Variants in ZC3H12B observed in about 807,000 individuals in gnomAD.
ZC3H12B encodes the protein probable ribonuclease ZC3H12B.
Under a neutral mutation model 43.9 loss-of-function variants are expected in ZC3H12B, and 7 were observed. The observed-to-expected ratio is 0.16, with a 90% confidence interval of 0.09 to 0.30. The LOEUF (loss-of-function observed/expected upper bound fraction) is 0.30, where lower values mean the gene tolerates loss of function less well. Ranked by LOEUF, ZC3H12B falls within the 10% of genes least tolerant of loss-of-function variation. The pLI, the probability that ZC3H12B is intolerant of heterozygous loss-of-function variation, is 1.00. For missense variants in ZC3H12B, 475 were observed against 670.2 expected (o/e 0.71, Z 3.22); for synonymous variants, 222 against 241.7 (o/e 0.92, Z 0.76).
the ZC3H12B span, chrX:65,272,865 A>G: frequency 8.9e-6 from 1 of 112,354 alleles, no homozygotes; most frequent in Non-Finnish European, 1.9e-5. Flanking sequence ...AATATCTACA[A>G]GAAGTAAATA....
chrX:65,088,492 G>A, the ZC3H12B span, among the ~76,000 whole-genome samples: 1 of 111,114 alleles, frequency 9.0e-6, no homozygotes, highest in Non-Finnish European at 1.9e-5. Flanking sequence ...CTCCATGGAT[G>A]GTAAAAAATA....
At chrX:65,227,404 A>T in the ZC3H12B span, among the ~76,000 whole-genome samples, 28 of 111,750 alleles carry the variant, frequency 2.5e-4, no homozygotes, top group South Asian at 5.2e-3. Flanking sequence ...GAAATTTATA[A>T]CACTAAATGC....
the ZC3H12B span, among the ~76,000 whole-genome samples, chrX:65,263,181 T>C: frequency 1.8e-5 from 2 of 111,473 alleles, no homozygotes; most frequent in African/African-American, 6.5e-5. Context: ...TGGCAGATAA[T>C]CACTTGATAA....
the ZC3H12B span, among the ~76,000 whole-genome samples, chrX:65,347,861 A>G: frequency 8.9e-6 from 1 of 112,538 alleles, no homozygotes; most frequent in Non-Finnish European, 1.9e-5. Flanking sequence ...GATAGACTGG[A>G]TTAAGAAAAT....
chrX:65,276,441 G>C, the ZC3H12B span, among the ~76,000 whole-genome samples: 7 of 110,982 alleles, frequency 6.3e-5, no homozygotes, highest in Non-Finnish European at 1.3e-4. Flanking sequence ...TATAAAACCA[G>C]CAAGAGAAAA....
At chrX:65,055,512 A>G in the ZC3H12B span, among the ~76,000 whole-genome samples, 1 of 111,744 alleles carries the variant, frequency 8.9e-6, no homozygotes, top group Non-Finnish European at 1.9e-5. Context: ...AGATTTTTGC[A>G]TGGATGTTCA....
At chrX:65,473,002 A>ATG (rs1362359810) in intron 3 of ZC3H12B, among the ~76,000 whole-genome samples, 4 of 91,919 alleles carry the variant, frequency 4.4e-5, no homozygotes, top group African/African-American at 1.7e-4. Flanking sequence ...ATATATGTAT[A>ATG]TATATATATA....
the ZC3H12B span, among the ~76,000 whole-genome samples, chrX:65,224,792 C>A: frequency 8.9e-6 from 1 of 111,903 alleles, no homozygotes; most frequent in Non-Finnish European, 1.9e-5. Flanking sequence ...AGTCTGAGAT[C>A]AAACTACAAG....
At chrX:65,223,760 C>T in the ZC3H12B span, among the ~76,000 whole-genome samples, 6 of 111,681 alleles carry the variant, frequency 5.4e-5, no homozygotes, top group African/African-American at 1.3e-4. Flanking sequence ...AAATCAAAAC[C>T]ACAATGTGAT....
upstream of ZC3H12B, among the ~76,000 whole-genome samples, chrX:65,364,006 T>G (rs959558544): frequency 9.0e-6 from 1 of 111,086 alleles, no homozygotes; most frequent in African/African-American, 3.3e-5. Flanking sequence ...CCCCCATGAC[T>G]GTATCTCTCT....
intron 1 of ZC3H12B, among the ~76,000 whole-genome samples, chrX:65,490,076 G>A (rs2068182544): frequency 9.0e-6 from 1 of 111,704 alleles, no homozygotes; most frequent in Non-Finnish European, 1.9e-5. Flanking sequence ...AATATCTGTG[G>A]TAGGCTGAAT....
chrX:65,438,192 T>G (rs1413188069), intron 3 of ZC3H12B, among the ~76,000 whole-genome samples: 1 of 111,960 alleles, frequency 8.9e-6, no homozygotes, highest in East Asian at 2.8e-4. Context: ...TTAGGATAGC[T>G]TTGGCTATTC....
chrX:65,365,638 T>A, upstream of ZC3H12B, among the ~76,000 whole-genome samples: 1 of 111,524 alleles, frequency 9.0e-6, no homozygotes. Flanking sequence ...GTTTTGTTTT[T>A]CTTATTAATA....
At chrX:65,238,810 CT>C in the ZC3H12B span, among the ~76,000 whole-genome samples, 8 of 111,950 alleles carry the variant, frequency 7.1e-5, no homozygotes, top group South Asian at 3.7e-4. Flanking sequence ...TTTCAAAGAA[CT>C]TCTTGATATC....
chrX:65,066,446 G>C, the ZC3H12B span, among the ~76,000 whole-genome samples: 1 of 111,654 alleles, frequency 9.0e-6, no homozygotes, highest in Non-Finnish European at 1.9e-5. Context: ...TCCAGACCCT[G>C]TTTCCCTGGG....
chrX:65,394,249 G>T, intron 2 of ZC3H12B, among the ~76,000 whole-genome samples: 1 of 111,983 alleles, frequency 8.9e-6, no homozygotes, highest in South Asian at 3.7e-4. Context: ...CATTGCTTTT[G>T]GTGTTTTAGC....
the ZC3H12B span, among the ~76,000 whole-genome samples, chrX:65,102,942 G>A: frequency 1.6e-3 from 175 of 111,392 alleles, 2 homozygotes; most frequent in African/African-American, 5.6e-3. Flanking sequence ...TGCTTCAAGG[G>A]CAATAAAATA....
the ZC3H12B span, among the ~76,000 whole-genome samples, chrX:65,145,900 C>A: frequency 9.0e-6 from 1 of 111,045 alleles, no homozygotes; most frequent in Admixed American, 9.6e-5. Context: ...GTGCTTTTGT[C>A]CCATAGCTCT....
At chrX:65,113,965 G>A in the ZC3H12B span, among the ~76,000 whole-genome samples, 3 of 75,842 alleles carry the variant, frequency 4.0e-5, no homozygotes, top group South Asian at 3.3e-3. Flanking sequence ...AACTGAAACC[G>A]CAATATCTGA....
Sources: gnomAD v4.1 joint callset for allele counts (sites outside exome capture counted in the v4.1 genomes callset) on GRCh38, gnomAD v4.1.1 for gene constraint, MANE v1.5 for transcripts, NCBI Gene and HGNC (gene_info 2026-07-23, HGNC 2026-07-21) for gene names.